ADGRL2: variants seen among roughly 807,000 people sequenced by gnomAD.
The protein encoded by ADGRL2 is calcium-independent alpha-latrotoxin receptor 2.
In ADGRL2, 44 loss-of-function variants were observed where a neutral mutation model predicts 157.4. That is an observed-to-expected ratio of 0.28 (90% CI 0.22 to 0.36). The LOEUF (loss-of-function observed/expected upper bound fraction) is 0.36. ADGRL2 is among the 10% of genes least tolerant of loss of function. ADGRL2 has a pLI of 1.00. For synonymous variants in ADGRL2, 585 were observed against 624.7 expected, an observed-to-expected ratio of 0.94 and a Z score of 0.95; for missense variants, 1,510 against 1,768.9, an observed-to-expected ratio of 0.85 and a Z score of 2.63.
chr1:81,564,644 A>ATATCT (rs1287258161), intron 2 of ADGRL2, among the ~76,000 whole-genome samples: 7 of 152,158 alleles, frequency 4.6e-5, no homozygotes, highest in Non-Finnish European at 1.0e-4. Context: ...CTCAGAAGTG[A>ATATCT]CATCTCATCT....
intron 3 of ADGRL2, among the ~76,000 whole-genome samples, chr1:81,660,482 C>A (rs984212089): frequency 2.2e-4 from 34 of 152,252 alleles, no homozygotes; most frequent in Middle Eastern, 3.4e-3. Flanking sequence ...CACCAACTGA[C>A]CTAACACCTC....
At chr1:81,509,234 T>C (rs75933845) in intron 2 of ADGRL2, among the ~76,000 whole-genome samples, 2,619 of 152,276 alleles carry the variant, frequency 0.017, 68 homozygotes, top group African/African-American at 0.06. Context: ...TCTGATACCC[T>C]GTTAACTGCA....
rs796430819 is a variant in ADGRL2 at position 81,626,130 on chromosome 1, G to A, written c.-143+45150G>A. Among the ~76,000 whole-genome samples, 7 of 152,214 alleles carry A rather than the reference G, an allele frequency of 4.6e-5. No individual in the cohort carries two copies. In the South Asian group the frequency reaches 8.3e-4, roughly 18 times the overall value. ...GCTTCAACACTCTGTCACAAAGCCC[G>A]ATCAGGAACTGGTTGCTTTCCAGCT... On this transcript the variant is annotated intron_variant, in intron 3 of 24. Coordinates refer to the ADGRL2 transcript ENST00000370721.
At chr1:81,326,036 T>G (rs1660873634) in intron 1 of ADGRL2, among the ~76,000 whole-genome samples, 1 of 152,234 alleles carries the variant, frequency 6.6e-6, no homozygotes, top group Admixed American at 6.5e-5. Context: ...TTTAGGAAGA[T>G]TCTTTAGTGT....
At position 81,957,747 on chromosome 1, in the gene ADGRL2, A is replaced by G. The variant is rs548252403; in HGVS notation, c.2017+1687A>G. On this transcript the variant is annotated intron_variant, in intron 11 of 23. Transcript: ENST00000686636. ...AAATTTAATTAAATGAAACTAAAGGATTATTTTTAATGTTGATCTTTTTTC... is the reference window on the plus strand; with the variant it reads ...AAATTTAATTAAATGAAACTAAAGGGTTATTTTTAATGTTGATCTTTTTTC... Among the ~76,000 whole-genome samples, 5 of 152,194 alleles carry G rather than the reference A, an allele frequency of 3.3e-5. No individual in the cohort carries two copies. In the South Asian group the frequency reaches 1.0e-3, roughly 32 times the overall value.
chr1:81,419,552 T>G (rs2077090352), intron 1 of ADGRL2, among the ~76,000 whole-genome samples: 1 of 152,228 alleles, frequency 6.6e-6, no homozygotes, highest in South Asian at 2.1e-4. Context: ...TTATAAATAT[T>G]ATGCAAATAA....
intron 1 of ADGRL2, among the ~76,000 whole-genome samples, chr1:81,312,192 G>C (rs1659800582): frequency 6.6e-6 from 1 of 152,218 alleles, no homozygotes; most frequent in Admixed American, 6.5e-5. Context: ...CTATGGAATA[G>C]TCAATCCAAT....
chr1:81,768,006 T>A (rs930167179), intron 2 of ADGRL2, among the ~76,000 whole-genome samples: 7 of 152,130 alleles, frequency 4.6e-5, no homozygotes, highest in Admixed American at 2.0e-4. Context: ...TTTCTCTATA[T>A]CCTAGCTAGC....
intron 2 of ADGRL2, among the ~76,000 whole-genome samples, chr1:81,792,279 T>A (rs957853929): frequency 4.6e-5 from 7 of 152,292 alleles, no homozygotes; most frequent in African/African-American, 1.7e-4. Flanking sequence ...TTGTGCCAAA[T>A]GTAGCACAAA....
chr1:81,930,132 C>T (rs1405058957), intron 3 of ADGRL2, among the ~76,000 whole-genome samples: 5 of 151,972 alleles, frequency 3.3e-5, no homozygotes, highest in South Asian at 2.1e-4. Context: ...TATTATTTTT[C>T]GATACAATTT....
At chr1:81,576,089 T>G (rs192474825) in intron 2 of ADGRL2, among the ~76,000 whole-genome samples, 2 of 152,242 alleles carry the variant, frequency 1.3e-5, no homozygotes, top group East Asian at 3.9e-4. Flanking sequence ...AGCATTTTAT[T>G]TAAGAGGTTT....
intron 3 of ADGRL2, among the ~76,000 whole-genome samples, chr1:81,916,135 T>A (rs1245488714): frequency 6.6e-6 from 1 of 152,198 alleles, no homozygotes; most frequent in Non-Finnish European, 1.5e-5. Context: ...ATTTACTTAC[T>A]GTCTAAGGAA....
chr1:81,790,380 C>CCA (rs2087275602), intron 2 of ADGRL2, among the ~76,000 whole-genome samples: 1 of 152,158 alleles, frequency 6.6e-6, no homozygotes, highest in Non-Finnish European at 1.5e-5. Flanking sequence ...AACACACACA[C>CCA]ACAAACATTG....
intron 1 of ADGRL2, among the ~76,000 whole-genome samples, chr1:81,755,845 C>A (rs2085670530): frequency 6.6e-6 from 1 of 152,048 alleles, no homozygotes; most frequent in Non-Finnish European, 1.5e-5. Context: ...ACGACTCTAT[C>A]TAGCTTCAAG....
Position 81,550,466 on chromosome 1 carries a change from C to G in ADGRL2, c.-247-30410C>G, listed in dbSNP as rs77066346. 6.4e-3 allele frequency among the ~76,000 whole-genome samples: 973 copies of G among 152,230 alleles called. 4 individuals carry two copies. Among genetic ancestry groups the G allele is most frequent in the Non-Finnish European group, 0.011 (726 of 68,014 alleles). ...CAGAGTGCTTTCGGGGACTTATTCA[C>G]AGTGGAAAAATTCTGTTACAAGCCC... is the stretch of plus-strand genomic sequence containing the variant. On this transcript the variant is annotated intron_variant, in intron 2 of 24. Transcript: ENST00000370721.
At chr1:81,675,125 G>C (rs916134909) in intron 3 of ADGRL2, among the ~76,000 whole-genome samples, 4 of 152,120 alleles carry the variant, frequency 2.6e-5, no homozygotes, top group African/African-American at 7.2e-5. Flanking sequence ...ACATAACTGA[G>C]AAGTAGAGAT....
In ADGRL2 at chr1:81,571,881, T is replaced by C. The variant is rs563899465; in HGVS notation, c.-247-8995T>C. ...CATATTTGTTGAATGAATTTCCACA[T>C]GCTCCGCACCCCCCAGCCTTTGCTA... On this transcript the variant is annotated intron_variant, in intron 2 of 24. Coordinates refer to the ADGRL2 transcript ENST00000370721. Among the ~76,000 whole-genome samples, 215 of 152,312 alleles carry C rather than the reference T, an allele frequency of 1.4e-3. 2 individuals carry two copies. The highest frequency in any genetic ancestry group is 4.9e-3 in the African/African-American group (203 of 41,572).
chr1:81,898,395 T>C (rs2094431476), intron 2 of ADGRL2, among the ~76,000 whole-genome samples: 1 of 152,196 alleles, frequency 6.6e-6, no homozygotes, highest in African/African-American at 2.4e-5. Context: ...ATTTCAAAGG[T>C]GACAGTAGTA....
At chr1:81,753,903 C>T (rs1331627807) in intron 1 of ADGRL2, among the ~76,000 whole-genome samples, 1 of 152,058 alleles carries the variant, frequency 6.6e-6, no homozygotes, top group African/African-American at 2.4e-5. Context: ...TAAAGGAGAC[C>T]ATCTTTTGAA....
Sources: allele counts gnomAD v4.1 joint callset (sites outside exome capture counted in the v4.1 genomes callset), GRCh38; gene constraint gnomAD v4.1.1; transcripts MANE v1.5; gene names NCBI Gene and HGNC (gene_info 2026-07-23, HGNC 2026-07-21).